Variants in PIGL observed in about 807,000 individuals in gnomAD.
PIGL encodes phosphatidylinositol glycan anchor biosynthesis class L.
PIGL carries 22 observed loss-of-function variants against 31.1 expected under a neutral mutation model. The observed-to-expected ratio is 0.71, with a 90% confidence interval of 0.51 to 1.01. PIGL has a LOEUF of 1.01. Among genes scored for constraint, PIGL ranks in the 50% least tolerant of loss-of-function variants. The pLI, the probability that PIGL is intolerant of heterozygous loss-of-function variation, is 0.00. For synonymous variants in PIGL, 131 were observed against 117.4 expected (o/e 1.12, Z -0.75); for missense variants, 302 against 315.9 (o/e 0.96, Z 0.33).
chr17:16,309,832 A>G (rs1871416707), intron 3 of PIGL, among the ~76,000 whole-genome samples: 1 of 152,080 alleles, frequency 6.6e-6, no homozygotes, highest in African/African-American at 2.4e-5. Context: ...TAATCCCAAC[A>G]CTTTGGGAGG....
chr17:16,297,166 A>T (rs1347643014), intron 2 of PIGL, among the ~76,000 whole-genome samples: 1 of 152,220 alleles, frequency 6.6e-6, no homozygotes, highest in Non-Finnish European at 1.5e-5. Flanking sequence ...CATAAAAGTA[A>T]TGATGCTTTA....
At chr17:16,289,928 C>G (rs536400089) in intron 2 of PIGL, among the ~76,000 whole-genome samples, 1 of 152,214 alleles carries the variant, frequency 6.6e-6, no homozygotes, top group South Asian at 2.1e-4. Context: ...AGGCGCCCAC[C>G]ACTAAGCCCG....
chr17:16,226,291 T>C (rs140343682), intron 1 of PIGL, among the ~76,000 whole-genome samples: 1 of 152,288 alleles, frequency 6.6e-6, no homozygotes, highest in Admixed American at 6.5e-5. Context: ...ACCTGAATAC[T>C]CATGCACTTA....
At position 16,325,865 on chromosome 17, in the gene PIGL, G is replaced by A. The variant is rs766222767; in HGVS notation, c.726G>A (p.Arg242=). ...GCCGCCTCTACATTATCTTCTCCCGGTACATGAGAATCAACTCACTGAGCT... is the reference window on the plus strand; with the variant it reads ...GCCGCCTCTACATTATCTTCTCCCGATACATGAGAATCAACTCACTGAGCT... ...WFRRLYIIFS[R]YMRINSLSFL The change falls in exon 7 of 7, where the codon CGG becomes CGA. Residue 242 remains arginine (R), a synonymous_variant. Coordinates refer to ENST00000225609, the MANE Select transcript of PIGL (RefSeq NM_004278.4). The A allele has an allele frequency of 1.2e-6, 2 of 1,613,812 alleles. No individual in the cohort carries two copies. Among genetic ancestry groups the A allele is most frequent in the South Asian group, 1.1e-5 (1 of 91,076 alleles).
intron 2 of PIGL, among the ~76,000 whole-genome samples, chr17:16,244,056 G>A (rs893579710): frequency 6.6e-6 from 1 of 152,218 alleles, no homozygotes; most frequent in Admixed American, 6.5e-5. Context: ...TACAAGATCA[G>A]ATGAGCCAGT....
intron 3 of PIGL, among the ~76,000 whole-genome samples, chr17:16,311,309 AATT>A (rs895363678): frequency 1.3e-4 from 19 of 148,566 alleles, no homozygotes; most frequent in African/African-American, 4.2e-4. Flanking sequence ...TTTTTTTAGC[AATT>A]ATTATTATCA....
At chr17:16,251,404 T>G in intron 2 of PIGL, among the ~76,000 whole-genome samples, 1 of 141,996 alleles carries the variant, frequency 7.0e-6, no homozygotes, top group African/African-American at 2.7e-5. Context: ...GCCTGGGCAA[T>G]GGAACAAGAC....
intron 6 of PIGL, among the ~76,000 whole-genome samples, chr17:16,324,789 G>A (rs778036251): frequency 6.6e-6 from 1 of 152,186 alleles, no homozygotes; most frequent in African/African-American, 2.4e-5. Context: ...TGTATATCTA[G>A]TGAAGTCAGT....
chr17:16,241,649 G>A (rs766992486), intron 2 of PIGL, among the ~76,000 whole-genome samples: 11 of 151,972 alleles, frequency 7.2e-5, no homozygotes, highest in Non-Finnish European at 1.6e-4. Context: ...ATCAGTTAGA[G>A]GAAAATAAAA....
chr17:16,281,688 G>T (rs771331533), intron 2 of PIGL, among the ~76,000 whole-genome samples: 44 of 152,186 alleles, frequency 2.9e-4, no homozygotes, highest in Non-Finnish European at 3.1e-4. Context: ...TTAGTTCCTT[G>T]CCTACATCTA....
intron 1 of PIGL, chr17:16,217,663 A>G (rs2092597145): frequency 3.6e-6 from 2 of 561,942 alleles, no homozygotes; most frequent in South Asian, 4.8e-5. Flanking sequence ...CAGCTCGCGT[A>G]CTACGCCAGC....
At chr17:16,260,195 G>C (rs1374996406) in intron 2 of PIGL, among the ~76,000 whole-genome samples, 1 of 152,210 alleles carries the variant, frequency 6.6e-6, no homozygotes, top group Non-Finnish European at 1.5e-5. Context: ...ATGGACACTT[G>C]GATGGCAGAT....
chr17:16,301,720 C>T (rs1469834385), intron 3 of PIGL, among the ~76,000 whole-genome samples: 1 of 151,810 alleles, frequency 6.6e-6, no homozygotes, highest in East Asian at 1.9e-4. Flanking sequence ...TACAGGCGCC[C>T]ACCACCACAC....
In PIGL at chr17:16,242,112, G is replaced by A. The variant is rs1450034326; in HGVS notation, c.335+8042G>A. 4.6e-5 allele frequency among the ~76,000 whole-genome samples: 7 copies of A among 152,048 alleles called. No homozygotes were observed. The East Asian group carries it at 1.2e-3, about 25-fold the overall frequency. On this transcript the variant is annotated intron_variant, in intron 2 of 6. Transcript: ENST00000225609. ...CTCTGCCATCAGGCTAAAGTGCAAT[G>A]ACATGATCCTGTCTCACTGCAAACT...
chr17:16,257,693 T>G (rs1273519114), intron 2 of PIGL, among the ~76,000 whole-genome samples: 2 of 152,086 alleles, frequency 1.3e-5, no homozygotes, highest in Non-Finnish European at 2.9e-5. Flanking sequence ...TATTTAATTT[T>G]TATACCTTTT....
At chr17:16,235,575 T>G (rs908885301) in intron 2 of PIGL, among the ~76,000 whole-genome samples, 1 of 150,664 alleles carries the variant, frequency 6.6e-6, no homozygotes, top group African/African-American at 2.4e-5. Flanking sequence ...GTCTCCCAAG[T>G]AGTTGAGATT....
chr17:16,320,226 G>GAGAGAGTGAGAGAAAGAA (rs2093097703), intron 6 of PIGL, among the ~76,000 whole-genome samples: 14 of 107,498 alleles, frequency 1.3e-4, no homozygotes, highest in African/African-American at 4.7e-4. Flanking sequence ...AGGAAGGAAG[G>GAGAGAGTGAGAGAAAGAA]AAGGAAGGAA....
At chr17:16,254,618 T>TG in intron 2 of PIGL, among the ~76,000 whole-genome samples, 1 of 152,072 alleles carries the variant, frequency 6.6e-6, no homozygotes, top group African/African-American at 2.4e-5. Flanking sequence ...TGTTTTGTTT[T>TG]TTTTGAGATA....
intron 6 of PIGL, among the ~76,000 whole-genome samples, chr17:16,321,536 G>A (rs1441547443): frequency 1.3e-5 from 2 of 151,964 alleles, no homozygotes; most frequent in African/African-American, 2.4e-5. Context: ...CACCATGCCC[G>A]GCCCATATTT....
Sources: gnomAD v4.1 joint callset for allele counts (sites outside exome capture counted in the v4.1 genomes callset) on GRCh38, gnomAD v4.1.1 for gene constraint, MANE v1.5 for transcripts, NCBI Gene and HGNC (gene_info 2026-07-23, HGNC 2026-07-21) for gene names.